The following SORCS3 variants were observed in gnomAD, a reference collection of about 807,000 sequenced individuals.
SORCS3 encodes VPS10 domain-containing receptor SorCS3.
In SORCS3, 57 loss-of-function variants were observed where a neutral mutation model predicts 146.3. That is an observed-to-expected ratio of 0.39 (90% CI 0.31 to 0.49). The LOEUF (loss-of-function observed/expected upper bound fraction) is 0.49. SORCS3 is among the 20% of genes least tolerant of loss of function. The pLI is 0.92. For missense variants in SORCS3, 1,341 were observed against 1,575.5 expected, an observed-to-expected ratio of 0.85 and a Z score of 2.52; for synonymous variants, 653 against 618.5, an observed-to-expected ratio of 1.06 and a Z score of -0.83.
At chr10:105,230,325 G>A (rs1352716850) in intron 20 of SORCS3, among the ~76,000 whole-genome samples, 1 of 152,144 alleles carries the variant, frequency 6.6e-6, no homozygotes, top group South Asian at 2.1e-4. Flanking sequence ...GGATGCTTAG[G>A]TTGGGGAGTG....
intron 7 of SORCS3, among the ~76,000 whole-genome samples, chr10:105,122,557 G>A (rs1430154296): frequency 1.3e-5 from 2 of 152,044 alleles, no homozygotes; most frequent in Non-Finnish European, 2.9e-5. Flanking sequence ...ATCTTGTATT[G>A]AGCACTTAAT....
chr10:104,831,275 A>T (rs2017997937), intron 1 of SORCS3, among the ~76,000 whole-genome samples: 1 of 152,194 alleles, frequency 6.6e-6, no homozygotes, highest in Admixed American at 6.5e-5. Context: ...TTATAACCCA[A>T]AGTAGTTGTG....
At chr10:105,165,990 C>T (rs2056309571) in intron 12 of SORCS3, among the ~76,000 whole-genome samples, 1 of 152,156 alleles carries the variant, frequency 6.6e-6, no homozygotes, top group African/African-American at 2.4e-5. Flanking sequence ...CATTATGTGG[C>T]TTATCACAGA....
intron 4 of SORCS3, among the ~76,000 whole-genome samples, chr10:105,039,325 G>GGATA (rs2055324481): frequency 6.6e-6 from 1 of 151,994 alleles, no homozygotes; most frequent in East Asian, 1.9e-4. Flanking sequence ...GCCTCCAGGA[G>GGATA]GATAATTCAA....
intron 5 of SORCS3, among the ~76,000 whole-genome samples, chr10:105,061,600 T>C (rs2055487034): frequency 6.6e-6 from 1 of 151,396 alleles, no homozygotes; most frequent in Admixed American, 6.6e-5. Flanking sequence ...TGGCCCCCTT[T>C]TTTTAAATAG....
At chr10:105,030,122 G>A (rs790661) in intron 4 of SORCS3, among the ~76,000 whole-genome samples, 79,967 of 152,130 alleles carry the variant, frequency 0.53, 23,298 homozygotes, top group African/African-American at 0.8. Flanking sequence ...TAGGAGTTGG[G>A]TCTGACTCTG....
intron 17 of SORCS3, 42 bp from the exon 18 acceptor site, chr10:105,214,400 C>T (rs755306426): frequency 1.9e-6 from 3 of 1,607,252 alleles, no homozygotes; most frequent in African/African-American, 1.3e-5. Flanking sequence ...GCAACAACAA[C>T]ACAATCAACA....
At chr10:105,105,541 G>A (rs765828393) in intron 7 of SORCS3, 26 bp downstream of exon 7, 1 of 1,504,358 alleles carries the variant, frequency 6.6e-7, no homozygotes, top group Non-Finnish European at 9.3e-7. Context: ...GCAGTTGGTG[G>A]TAGGAGGATG....
At chr10:104,980,073 C>T (rs1326457973) in intron 4 of SORCS3, among the ~76,000 whole-genome samples, 1 of 152,166 alleles carries the variant, frequency 6.6e-6, no homozygotes, top group Non-Finnish European at 1.5e-5. Context: ...GGGCATTGCT[C>T]ATGAAGTACC....
intron 7 of SORCS3, among the ~76,000 whole-genome samples, chr10:105,117,274 C>G (rs377208063): frequency 6.6e-6 from 1 of 152,084 alleles, no homozygotes; most frequent in African/African-American, 2.4e-5. Context: ...CAAACAAAAA[C>G]GATAAACTAC....
At chr10:104,886,602 C>G (rs1347210438) in intron 2 of SORCS3, among the ~76,000 whole-genome samples, 1 of 147,054 alleles carries the variant, frequency 6.8e-6, no homozygotes, top group African/African-American at 2.5e-5. Flanking sequence ...ATCTATCTAT[C>G]TATCTACATT....
At chr10:104,766,107 C>T (rs1238061418) in intron 1 of SORCS3, among the ~76,000 whole-genome samples, 1 of 152,222 alleles carries the variant, frequency 6.6e-6, no homozygotes, top group Non-Finnish European at 1.5e-5. Context: ...CTGCATTCAG[C>T]AGGGTTCCCC....
chr10:104,753,196 T>C (rs895592101), intron 1 of SORCS3, among the ~76,000 whole-genome samples: 2 of 152,246 alleles, frequency 1.3e-5, no homozygotes, highest in African/African-American at 4.8e-5. Flanking sequence ...TGAGATTTAC[T>C]TGGGTCTTCC....
Position 104,685,159 on chromosome 10 carries a change from A to G in SORCS3, c.627+43205A>G, listed in dbSNP as rs1203046526. Reference sequence around the variant, plus strand: ...ATATTGATGTTGATGAATAGCTGGAATATAGACAAATAAATAGATAGCAGA... The same window carrying G: ...ATATTGATGTTGATGAATAGCTGGAGTATAGACAAATAAATAGATAGCAGA... On this transcript the variant is annotated intron_variant, in intron 1 of 26. Coordinates refer to ENST00000369701, the MANE Select transcript of SORCS3 (RefSeq NM_014978.3). 3.3e-5 allele frequency among the ~76,000 whole-genome samples: 5 copies of G among 152,276 alleles called. No homozygotes were observed. The East Asian group carries it at 9.7e-4, about 29-fold the overall frequency.
chr10:104,912,923 G>A (rs1002751566), intron 2 of SORCS3, among the ~76,000 whole-genome samples: 1 of 152,136 alleles, frequency 6.6e-6, no homozygotes, highest in Non-Finnish European at 1.5e-5. Flanking sequence ...TAGATGTTGA[G>A]GGTTGGAGGA....
In SORCS3 at chr10:104,984,036, C is replaced by T. The variant is rs115468772; in HGVS notation, c.954+6543C>T. ...ACCACTGGCATCTGAGAATTACTTG[C>T]GTGCTTTTTCAGCCACTACCTTCCA... On this transcript the variant is annotated intron_variant, in intron 4 of 26. Transcript: ENST00000369701. Among the ~76,000 whole-genome samples the T allele has an allele frequency of 8.6e-3, 1,310 of 152,264 alleles. 23 individuals are homozygous for T. Among genetic ancestry groups the T allele is most frequent in the African/African-American group, 0.03 (1,252 of 41,548 alleles).
At chr10:104,985,971 A>G (rs1004886766) in intron 4 of SORCS3, among the ~76,000 whole-genome samples, 6 of 152,206 alleles carry the variant, frequency 3.9e-5, no homozygotes, top group African/African-American at 1.4e-4. Context: ...TCAAATCATA[A>G]GTGAGCATTG....
intron 5 of SORCS3, among the ~76,000 whole-genome samples, chr10:105,048,038 G>T (rs1005913090): frequency 6.6e-6 from 1 of 152,030 alleles, no homozygotes; most frequent in Non-Finnish European, 1.5e-5. Context: ...GAAACAACAG[G>T]TGCTAGAGAG....
At chr10:105,068,367 C>A (rs1270294104) in intron 5 of SORCS3, among the ~76,000 whole-genome samples, 1 of 152,196 alleles carries the variant, frequency 6.6e-6, no homozygotes, top group African/African-American at 2.4e-5. Flanking sequence ...CTCTTGGCCC[C>A]CTTGTTGAAT....
Sources: gnomAD v4.1 joint callset for allele counts (sites outside exome capture counted in the v4.1 genomes callset) on GRCh38, gnomAD v4.1.1 for gene constraint, MANE v1.5 for transcripts, NCBI Gene and HGNC (gene_info 2026-07-23, HGNC 2026-07-21) for gene names.